DCBLD2: variants seen among roughly 807,000 people sequenced by gnomAD.
DCBLD2 encodes the protein discoidin, CUB and LCCL domain containing 2.
In DCBLD2, 54 loss-of-function variants were observed where a neutral mutation model predicts 86.8. The ratio of observed to expected loss-of-function variants is 0.62; its 90% CI spans 0.50 to 0.78. The LOEUF is 0.78. Ranked by LOEUF, DCBLD2 falls within the 30% of genes least tolerant of loss-of-function variation. DCBLD2 has a pLI of 0.00. For missense variants in DCBLD2, 908 were observed against 954.2 expected (o/e 0.95, Z 0.64); for synonymous variants, 354 against 341.3 (o/e 1.04, Z -0.41).
At chr3:98,899,250 ATTT>A (rs1943804416) in intron 1 of DCBLD2, among the ~76,000 whole-genome samples, 1 of 134,354 alleles carries the variant, frequency 7.4e-6, no homozygotes, top group South Asian at 2.4e-4. Flanking sequence ...TAGACTGGCT[ATTT>A]CTTTTTCTTT....
intron 6 of DCBLD2, 71 bp from the exon 7 acceptor site, chr3:98,820,359 T>C: frequency 8.4e-7 from 1 of 1,194,310 alleles, no homozygotes; most frequent in Non-Finnish European, 1.1e-6. Context: ...GTGAAACATT[T>C]TCTTTTGATT....
intron 3 of DCBLD2, among the ~76,000 whole-genome samples, chr3:98,839,697 C>T (rs563394637): frequency 6.6e-6 from 1 of 152,130 alleles, no homozygotes; most frequent in East Asian, 1.9e-4. Context: ...CAAAGAACAA[C>T]CAGATAAAAA....
At chr3:98,820,176 C>G (rs1024924536) in intron 7 of DCBLD2, 72 bp downstream of exon 7, 2 of 966,494 alleles carry the variant, frequency 2.1e-6, no homozygotes, top group East Asian at 6.5e-5. Context: ...AAATCAGCAA[C>G]TGACACAGTG....
intron 2 of DCBLD2, among the ~76,000 whole-genome samples, chr3:98,871,491 G>C (rs959609609): frequency 6.6e-6 from 1 of 152,008 alleles, no homozygotes; most frequent in Non-Finnish European, 1.5e-5. Flanking sequence ...TTATCATGAA[G>C]GGATGCTCAA....
At position 98,822,283 on chromosome 3, in the gene DCBLD2, TA is replaced by T; in HGVS notation, c.774del (p.Ser259ValfsTer44). ...CTTTCATAATAGGGGATACCTTTAC[TA>T]ATTACAACACTGATTTGGCCGCCCA... ...NTLGGQISVV[I>X]SKGIPYYESS... On this transcript the variant is annotated frameshift_variant, in exon 6 of 16. Coordinates refer to ENST00000326840, the MANE Select transcript of DCBLD2 (RefSeq NM_080927.4). LOFTEE classifies it high-confidence loss of function. The T allele has an allele frequency of 6.2e-7, 1 of 1,613,966 alleles. No individual in the cohort carries two copies. Among genetic ancestry groups the T allele is most frequent in the Non-Finnish European group, 8.5e-7 (1 of 1,179,854 alleles).
intron 14 of DCBLD2, 87 bp from the exon 15 acceptor site, chr3:98,800,803 T>G (rs148420862): frequency 6.4e-7 from 1 of 1,574,222 alleles, no homozygotes; most frequent in East Asian, 2.2e-5. Context: ...CTGTTGCATT[T>G]AAGCCATTTC....
At chr3:98,856,656 G>C (rs1208438524) in intron 2 of DCBLD2, among the ~76,000 whole-genome samples, 1 of 152,054 alleles carries the variant, frequency 6.6e-6, no homozygotes, top group Non-Finnish European at 1.5e-5. Flanking sequence ...AAAACATCTT[G>C]AAGCATAAAT....
chr3:98,863,996 C>G (rs993439794), intron 2 of DCBLD2, among the ~76,000 whole-genome samples: 2 of 151,860 alleles, frequency 1.3e-5, no homozygotes, highest in African/African-American at 2.4e-5. Context: ...ACAAAGAACT[C>G]AAACAAATTT....
chr3:98,841,932 G>C (rs1942629250), intron 3 of DCBLD2, among the ~76,000 whole-genome samples: 1 of 152,154 alleles, frequency 6.6e-6, no homozygotes, highest in Non-Finnish European at 1.5e-5. Context: ...GGGCATGGTG[G>C]CGTGTGCCTG....
At chr3:98,895,488 T>C (rs1943736701) in intron 1 of DCBLD2, 1 of 152,202 alleles carries the variant, frequency 6.6e-6, no homozygotes. Flanking sequence ...CCCACTTTCC[T>C]GACTCCCCAG....
intron 4 of DCBLD2, among the ~76,000 whole-genome samples, chr3:98,824,503 TCTTGAAG>T (rs982620105): frequency 2.0e-5 from 3 of 152,028 alleles, no homozygotes; most frequent in African/African-American, 7.2e-5. Context: ...ACAGAACCAT[TCTTGAAG>T]ACAAAATTAA....
At chr3:98,878,384 A>G (rs1943406683) in intron 2 of DCBLD2, among the ~76,000 whole-genome samples, 1 of 152,184 alleles carries the variant, frequency 6.6e-6, no homozygotes, top group Admixed American at 6.5e-5. Context: ...ATCCCACGAA[A>G]TCATTAGCCC....
intron 4 of DCBLD2, among the ~76,000 whole-genome samples, chr3:98,824,992 A>G (rs1293147861): frequency 6.6e-6 from 1 of 152,152 alleles, no homozygotes; most frequent in African/African-American, 2.4e-5. Flanking sequence ...TGCTCTTTCA[A>G]TTTTTTGAAA....
chr3:98,839,821 A>G (rs1942588088), intron 3 of DCBLD2, among the ~76,000 whole-genome samples: 1 of 152,242 alleles, frequency 6.6e-6, no homozygotes, highest in Non-Finnish European at 1.5e-5. Context: ...AATAATGAGA[A>G]CAAGGAAGTT....
In DCBLD2 at chr3:98,852,582, T is replaced by C. The variant is rs193118412; in HGVS notation, c.434-2984A>G. On this transcript the variant is annotated intron_variant, in intron 2 of 15. Transcript: ENST00000326840. The stretch of plus-strand genomic sequence containing the variant: ...TTTCTTACCAGGATTCCCTGTCAGT[T>C]TCATTTTTAACTTCTTTTATGTTAC... Among the ~76,000 whole-genome samples, 6 of 152,294 alleles carry C rather than the reference T, an allele frequency of 3.9e-5. No homozygotes were observed. The East Asian group carries it at 1.2e-3, about 29-fold the overall frequency.
intron 7 of DCBLD2, among the ~76,000 whole-genome samples, chr3:98,819,922 T>C (rs774494470): frequency 1.1e-4 from 16 of 152,214 alleles, no homozygotes; most frequent in Non-Finnish European, 2.1e-4. Flanking sequence ...TTCACTTTAC[T>C]CTATCACTCG....
intron 4 of DCBLD2, among the ~76,000 whole-genome samples, chr3:98,823,893 C>A (rs1190438449): frequency 6.6e-6 from 1 of 152,070 alleles, no homozygotes; most frequent in Admixed American, 6.5e-5. Context: ...CTGTACCGCC[C>A]CCAGTCAGGG....
At chr3:98,868,692 G>A (rs1448431013) in intron 2 of DCBLD2, among the ~76,000 whole-genome samples, 2 of 152,102 alleles carry the variant, frequency 1.3e-5, no homozygotes, top group Admixed American at 1.3e-4. Flanking sequence ...CCCCTTGTGA[G>A]AACATATGGT....
intron 3 of DCBLD2, among the ~76,000 whole-genome samples, chr3:98,848,141 G>GC (rs1225456705): frequency 2.6e-5 from 4 of 151,644 alleles, no homozygotes. Context: ...CCTCCCAAAA[G>GC]CCCCAGTGTG....
Sources: gnomAD v4.1 joint callset for allele counts (sites outside exome capture counted in the v4.1 genomes callset) on GRCh38, gnomAD v4.1.1 for gene constraint, MANE v1.5 for transcripts, NCBI Gene and HGNC (gene_info 2026-07-23, HGNC 2026-07-21) for gene names.